The following KCNAB1 variants were observed in gnomAD, a reference collection of about 807,000 sequenced individuals.
The protein encoded by KCNAB1 is voltage-gated potassium channel subunit beta-1.
In KCNAB1, 35 loss-of-function variants were observed where a neutral mutation model predicts 64.6. That is an observed-to-expected ratio of 0.54 (90% confidence interval 0.41 to 0.72). The LOEUF (loss-of-function observed/expected upper bound fraction) is 0.72. Among genes scored for constraint, KCNAB1 ranks in the 30% least tolerant of loss-of-function variants. The probability of loss-of-function intolerance (pLI) is 0.00; values close to 1 mark genes in which losing one functional copy is unlikely to be tolerated. For synonymous variants in KCNAB1, 177 were observed against 183.8 expected (o/e 0.96, Z 0.30); for missense variants, 401 against 512.9 (o/e 0.78, Z 2.11).
chr3:156,502,387 C>T (rs774782785), intron 8 of KCNAB1, among the ~76,000 whole-genome samples: 3 of 151,822 alleles, frequency 2.0e-5, no homozygotes, highest in Non-Finnish European at 4.4e-5. Flanking sequence ...CAGACACTAG[C>T]ATTTATAAAA....
chr3:156,278,932 T>C (rs1263681923), intron 1 of KCNAB1, among the ~76,000 whole-genome samples: 2 of 151,872 alleles, frequency 1.3e-5, no homozygotes, highest in East Asian at 3.8e-4. Flanking sequence ...AATTTGGGAA[T>C]ACTTTATTTT....
At chr3:156,368,187 T>C (rs1186758972) in intron 1 of KCNAB1, among the ~76,000 whole-genome samples, 1 of 152,208 alleles carries the variant, frequency 6.6e-6, no homozygotes, top group East Asian at 1.9e-4. Context: ...GGCATACTTA[T>C]ATTAAAAAAT....
chr3:156,184,945 T>C (rs983353756), intron 1 of KCNAB1, among the ~76,000 whole-genome samples: 4 of 152,160 alleles, frequency 2.6e-5, no homozygotes, highest in Non-Finnish European at 4.4e-5. Flanking sequence ...ACCAACTAAG[T>C]GGCAGGAATT....
intron 1 of KCNAB1, among the ~76,000 whole-genome samples, chr3:156,260,723 C>A (rs899180975): frequency 6.6e-6 from 1 of 152,144 alleles, no homozygotes; most frequent in African/African-American, 2.4e-5. Context: ...TTGTGACATT[C>A]ATGTATATGT....
intron 1 of KCNAB1, among the ~76,000 whole-genome samples, chr3:156,386,792 C>T (rs1244496120): frequency 1.3e-5 from 2 of 152,180 alleles, no homozygotes; most frequent in East Asian, 3.8e-4. Flanking sequence ...GGGCCAGATG[C>T]TCAAAGGTTC....
intron 1 of KCNAB1, among the ~76,000 whole-genome samples, chr3:156,272,068 C>T (rs1719068960): frequency 6.6e-6 from 1 of 152,250 alleles, no homozygotes; most frequent in Admixed American, 6.5e-5. Context: ...GTCTGTCTCT[C>T]TCTGTGTGAG....
rs577237025 is a variant in KCNAB1, at chr3:156,380,000, T to C, written c.276-41616T>C. 2.0e-5 allele frequency among the ~76,000 whole-genome samples: 3 copies of C among 152,338 alleles called. No individual in the cohort carries two copies. The South Asian group carries it at 6.2e-4, about 32-fold the overall frequency. On this transcript the variant is annotated intron_variant, in intron 1 of 13. Coordinates refer to ENST00000490337, the MANE Select transcript of KCNAB1 (RefSeq NM_172160.3). ...TTCAGCCTGAATAACTAGAAGGATG[T>C]GGCTGCTCTAAGTCCTCTTTCTGCA...
At chr3:156,362,277 T>C (rs1336880185) in intron 1 of KCNAB1, among the ~76,000 whole-genome samples, 2 of 152,246 alleles carry the variant, frequency 1.3e-5, no homozygotes, top group Non-Finnish European at 2.9e-5. Context: ...ACGTGATTAT[T>C]ATTGTAATGA....
intron 1 of KCNAB1, among the ~76,000 whole-genome samples, chr3:156,337,710 C>T (rs1723807906): frequency 6.6e-6 from 1 of 152,232 alleles, no homozygotes; most frequent in African/African-American, 2.4e-5. Flanking sequence ...CCTCTCTCTC[C>T]ACTTAGTATT....
chr3:156,272,069 TCTGTGTGAG>T (rs1216798087), intron 1 of KCNAB1, among the ~76,000 whole-genome samples: 15 of 152,236 alleles, frequency 9.9e-5, no homozygotes, highest in African/African-American at 3.6e-4. Context: ...TCTGTCTCTC[TCTGTGTGAG>T]CTGTGTGGAG....
At chr3:156,466,463 T>C in intron 7 of KCNAB1, among the ~76,000 whole-genome samples, 1 of 151,930 alleles carries the variant, frequency 6.6e-6, no homozygotes, top group African/African-American at 2.4e-5. Flanking sequence ...TGTAGACATA[T>C]GTTAAGACTA....
intron 1 of KCNAB1, among the ~76,000 whole-genome samples, chr3:156,146,948 GTATT>G (rs1397790137): frequency 1.3e-5 from 2 of 152,128 alleles, no homozygotes; most frequent in Admixed American, 6.6e-5. Context: ...TTACTTGTTT[GTATT>G]TATTTATTTT....
Position 156,196,943 on chromosome 3 carries a change from G to A in KCNAB1, c.275+76057G>A, listed in dbSNP as rs193057158. On this transcript the variant is annotated intron_variant, in intron 1 of 13. Coordinates refer to ENST00000490337, the MANE Select transcript of KCNAB1 (RefSeq NM_172160.3). ...GTATGATACTGGCTGTGTGTTTGTC[G>A]TAAATAGCTCTTATTATTTTGAGAT... Among the ~76,000 whole-genome samples, 1,083 of 152,158 alleles carry A rather than the reference G, an allele frequency of 7.1e-3. 3 individuals carry two copies. The highest frequency in any genetic ancestry group is 0.011 in the Non-Finnish European group (731 of 67,992).
intron 5 of KCNAB1, among the ~76,000 whole-genome samples, chr3:156,463,354 C>T (rs140481143): frequency 9.8e-4 from 150 of 152,292 alleles, no homozygotes; most frequent in Non-Finnish European, 1.6e-3. Context: ...CATCCCCACA[C>T]GCCATTTCTG....
At chr3:156,198,132 A>AT (rs1460571981) in intron 1 of KCNAB1, among the ~76,000 whole-genome samples, 1 of 152,140 alleles carries the variant, frequency 6.6e-6, no homozygotes, top group Non-Finnish European at 1.5e-5. Flanking sequence ...CTCTAATTTG[A>AT]TTGCACTGTG....
intron 1 of KCNAB1, among the ~76,000 whole-genome samples, chr3:156,155,241 T>C (rs922374008): frequency 3.9e-5 from 6 of 152,158 alleles, no homozygotes; most frequent in Non-Finnish European, 5.9e-5. Context: ...CACAGATTCA[T>C]CCAACAGCTC....
intron 5 of KCNAB1, chr3:156,460,110 G>T: frequency 4.6e-6 from 2 of 433,856 alleles, no homozygotes; most frequent in East Asian, 3.7e-5. Flanking sequence ...AGAAGGGGGG[G>T]ATGTTCATGA....
At chr3:156,184,263 A>G (rs1577684464) in intron 1 of KCNAB1, among the ~76,000 whole-genome samples, 1 of 152,088 alleles carries the variant, frequency 6.6e-6, no homozygotes, top group Non-Finnish European at 1.5e-5. Flanking sequence ...TTCCGTAACC[A>G]CCTTCCATTC....
upstream of KCNAB1, among the ~76,000 whole-genome samples, chr3:156,119,926 T>C (rs1050988467): frequency 4.6e-5 from 7 of 152,192 alleles, no homozygotes; most frequent in African/African-American, 1.7e-4. Context: ...TTCCCAATTA[T>C]CAGATGATTC....
Sources: gnomAD v4.1 joint callset for allele counts (sites outside exome capture counted in the v4.1 genomes callset) on GRCh38, gnomAD v4.1.1 for gene constraint, MANE v1.5 for transcripts, NCBI Gene and HGNC (gene_info 2026-07-23, HGNC 2026-07-21) for gene names.